The following DNAAF9 variants were observed in gnomAD, a reference collection of about 807,000 sequenced individuals.
The protein encoded by DNAAF9 is dynein axonemal assembly factor 9.
In DNAAF9, 90 loss-of-function variants were observed where a neutral mutation model predicts 167.0. The observed-to-expected ratio is 0.54, with a 90% CI of 0.45 to 0.64. DNAAF9 has a LOEUF of 0.64. Among genes scored for constraint, DNAAF9 ranks in the 30% least tolerant of loss-of-function variants. The pLI, the probability that DNAAF9 is intolerant of heterozygous loss-of-function variation, is 0.00. For missense variants in DNAAF9, 1,315 were observed against 1,442.2 expected (o/e 0.91, Z 1.43); for synonymous variants, 491 against 508.8 (o/e 0.96, Z 0.47).
At chr20:3,407,035 G>C (rs973185094) in intron 1 of DNAAF9, among the ~76,000 whole-genome samples, 2 of 152,162 alleles carry the variant, frequency 1.3e-5, no homozygotes, top group Non-Finnish European at 2.9e-5. Context: ...GTGTGTGGAG[G>C]TGTGAGGTCT....
chr20:3,390,703 A>C (rs2083815196), intron 1 of DNAAF9, among the ~76,000 whole-genome samples: 1 of 152,178 alleles, frequency 6.6e-6, no homozygotes, highest in Non-Finnish European at 1.5e-5. Context: ...TTTCATAATA[A>C]AAATACGGGG....
intron 21 of DNAAF9, among the ~76,000 whole-genome samples, chr20:3,300,564 C>T (rs2069166164): frequency 6.6e-6 from 1 of 151,734 alleles, no homozygotes; most frequent in Non-Finnish European, 1.5e-5. Flanking sequence ...GATCCTCCCA[C>T]TTCACCTCTC....
intron 12 of DNAAF9, among the ~76,000 whole-genome samples, chr20:3,329,072 G>T (rs1388200522): frequency 6.6e-6 from 1 of 152,028 alleles, no homozygotes; most frequent in East Asian, 1.9e-4. Context: ...GTTTTGCCAT[G>T]TTGGCCAGGC....
rs1397852214 is a variant in DNAAF9, at chr20:3,296,917, T to C, written c.1962A>G (p.Ser654=). The C allele has an allele frequency of 6.2e-7, 1 of 1,610,776 alleles. No homozygotes were observed. The highest frequency in any genetic ancestry group is 8.5e-7 in the Non-Finnish European group (1 of 1,177,070). ...CCTGGATCACTTTTAAAGAGATCCC[T>C]GAGTTATCCTGCTGTTTCCAGAGGG... is the stretch of plus-strand genomic sequence containing the variant. ...VFSLWKQQDN[S]GISLKVIQED... Residue 654 remains serine, a synonymous_variant, in exon 23 of 37, where the codon TCA becomes TCG. Coordinates refer to ENST00000252032, the MANE Select transcript of DNAAF9 (RefSeq NM_001009984.3).
At chr20:3,318,629 A>C (rs1385286065) in intron 16 of DNAAF9, among the ~76,000 whole-genome samples, 1 of 152,146 alleles carries the variant, frequency 6.6e-6, no homozygotes, top group Non-Finnish European at 1.5e-5. Context: ...CTTGGGCTAT[A>C]AGGAAAGTAT....
Position 3,330,679 on chromosome 20 carries a change from C to T in DNAAF9, c.1067G>A (p.Gly356Asp). 1.3e-6 allele frequency: 2 copies of T among 1,594,608 alleles called. No individual in the cohort carries two copies. Among genetic ancestry groups the T allele is most frequent in the South Asian group, 1.1e-5 (1 of 90,006 alleles). Residue 356 changes from glycine (G) to aspartate (D), a missense_variant, in exon 12 of 37, where the codon GGT becomes GAT. Around this residue, in one of 2 missense-constraint regions of DNAAF9, gnomAD observed 981 missense variants for 1,012.5 expected, o/e 0.97. Coordinates refer to ENST00000252032, the MANE Select transcript of DNAAF9 (RefSeq NM_001009984.3). ...FGATHVPYLG[G>D]DSKLPKKTEQ... The stretch of plus-strand genomic sequence containing the variant: ...AGTTTTCTTGGGCAGCTTGCTGTCA[C>T]CACCTGTGAAAGAGGCCCACTAAGA...
chr20:3,279,534 C>A (rs2068730989), intron 28 of DNAAF9, among the ~76,000 whole-genome samples: 1 of 152,180 alleles, frequency 6.6e-6, no homozygotes, highest in Non-Finnish European at 1.5e-5. Flanking sequence ...GAGAAAAACT[C>A]ATATTCTCAC....
chr20:3,320,788 T>A, intron 16 of DNAAF9, among the ~76,000 whole-genome samples: 1 of 152,210 alleles, frequency 6.6e-6, no homozygotes, highest in East Asian at 1.9e-4. Flanking sequence ...CCACAGGTGA[T>A]GGTGATGGGG....
intron 8 of DNAAF9, 100 bp from the exon 9 acceptor site, chr20:3,343,831 A>T: frequency 1.2e-6 from 1 of 853,132 alleles, no homozygotes; most frequent in African/African-American, 1.8e-5. Context: ...GCTTCAGGAG[A>T]GTGCACAGCG....
At chr20:3,285,794 C>T (rs994148859) in intron 27 of DNAAF9, among the ~76,000 whole-genome samples, 1 of 150,944 alleles carries the variant, frequency 6.6e-6, no homozygotes, top group African/African-American at 2.4e-5. Flanking sequence ...GTCTGGCCAA[C>T]ATAGTGAAAT....
At chr20:3,258,689 A>G (rs1300045061) in intron 33 of DNAAF9, among the ~76,000 whole-genome samples, 1 of 151,968 alleles carries the variant, frequency 6.6e-6, no homozygotes, top group East Asian at 1.9e-4. Context: ...GAAGGGGAGG[A>G]CACGAAGACA....
intron 11 of DNAAF9, 74 bp downstream of exon 11, chr20:3,332,206 T>C (rs934537249): frequency 9.9e-6 from 8 of 804,698 alleles, no homozygotes; most frequent in African/African-American, 6.9e-5. Context: ...TAGTGAATTG[T>C]ATGTCAACTT....
At chr20:3,254,009 C>CT (rs1465918897) in intron 35 of DNAAF9, among the ~76,000 whole-genome samples, 190 bp from the exon 36 acceptor site, 1 of 152,192 alleles carries the variant, frequency 6.6e-6, no homozygotes, top group Non-Finnish European at 1.5e-5. Context: ...GTGAGGAGCT[C>CT]TGGGAGGTCC....
intron 1 of DNAAF9, among the ~76,000 whole-genome samples, chr20:3,383,695 G>C (rs1414027458): frequency 6.6e-6 from 1 of 151,742 alleles, no homozygotes; most frequent in African/African-American, 2.4e-5. Flanking sequence ...ATCCCTTACT[G>C]AATCTCCTCC....
At chr20:3,323,320 C>T (rs2123054186) in intron 14 of DNAAF9, among the ~76,000 whole-genome samples, 1 of 127,642 alleles carries the variant, frequency 7.8e-6, no homozygotes. Flanking sequence ...CTCATTCTGT[C>T]ACCCAGGCTG....
At chr20:3,271,555 ATAATC>A (rs1288048305) in intron 29 of DNAAF9, among the ~76,000 whole-genome samples, 1 of 152,100 alleles carries the variant, frequency 6.6e-6, no homozygotes, top group Non-Finnish European at 1.5e-5. Flanking sequence ...TTTAACAGTT[ATAATC>A]ATAGCGCATA....
At chr20:3,285,776 C>T (rs1265450717) in intron 27 of DNAAF9, among the ~76,000 whole-genome samples, 35 of 150,586 alleles carry the variant, frequency 2.3e-4, no homozygotes, top group Admixed American at 4.0e-4. Context: ...GTCAGGAGTT[C>T]GAGACCAGTC....
At chr20:3,317,454 G>C (rs541844613) in intron 17 of DNAAF9, among the ~76,000 whole-genome samples, 24 of 151,242 alleles carry the variant, frequency 1.6e-4, no homozygotes, top group African/African-American at 5.3e-4. Context: ...TATCAAGGTA[G>C]TATAGGTATA....
chr20:3,272,447 A>T (rs552645646), intron 29 of DNAAF9, among the ~76,000 whole-genome samples: 43 of 151,856 alleles, frequency 2.8e-4, no homozygotes, highest in Non-Finnish European at 5.0e-4. Flanking sequence ...GACTGGTCTC[A>T]AACTCCTGGG....
Sources: allele counts gnomAD v4.1 joint callset (sites outside exome capture counted in the v4.1 genomes callset), GRCh38; gene constraint gnomAD v4.1.1; regional missense constraint gnomAD v4.1.1; transcripts MANE v1.5; gene names NCBI Gene and HGNC (gene_info 2026-07-23, HGNC 2026-07-21).